The following ANKRD18A variants were observed in gnomAD, a reference collection of about 807,000 sequenced individuals.
ANKRD18A encodes ankyrin repeat domain 18A.
ANKRD18A carries 72 observed loss-of-function variants against 110.6 expected under a neutral mutation model. The ratio of observed to expected loss-of-function variants is 0.65; its 90% CI spans 0.54 to 0.79. ANKRD18A has a LOEUF of 0.79. ANKRD18A is among the 30% of genes least tolerant of loss of function. The probability of loss-of-function intolerance (pLI) is 0.00; values close to 1 mark genes in which losing one functional copy is unlikely to be tolerated. For missense variants in ANKRD18A, 934 were observed against 1,163.3 expected (o/e 0.80, Z 2.87); for synonymous variants, 305 against 410.3 (o/e 0.74, Z 3.10).
chr9:38,592,084 A>G (rs888266035), intron 10 of ANKRD18A, among the ~76,000 whole-genome samples: 2 of 152,190 alleles, frequency 1.3e-5, no homozygotes, highest in African/African-American at 2.4e-5. Flanking sequence ...TTCTTTTTTC[A>G]TACTGAGAAA....
intron 12 of ANKRD18A, among the ~76,000 whole-genome samples, chr9:38,584,674 A>G (rs2996341): frequency 0.4 from 61,239 of 152,044 alleles, 13,717 homozygotes; most frequent in African/African-American, 0.61. Context: ...TCAACAGCAC[A>G]TCTTTTGTAA....
At chr9:38,588,397 T>C (rs1824478202) in intron 11 of ANKRD18A, among the ~76,000 whole-genome samples, 154 bp downstream of exon 11, 1 of 152,312 alleles carries the variant, frequency 6.6e-6, no homozygotes, top group Non-Finnish European at 1.5e-5. Context: ...TATAAAGTTG[T>C]GTTGTCAGTT....
chr9:38,617,230 A>G (rs967228039), intron 1 of ANKRD18A, among the ~76,000 whole-genome samples: 4 of 152,216 alleles, frequency 2.6e-5, no homozygotes, highest in African/African-American at 4.8e-5. Context: ...TCTCTAGGTC[A>G]GGAGTTCAGG....
At chr9:38,575,731 T>C in intron 14 of ANKRD18A, 33 bp from the exon 15 acceptor site, 1 of 1,512,844 alleles carries the variant, frequency 6.6e-7, no homozygotes, top group Non-Finnish European at 8.9e-7. Context: ...TGCTTAGTAT[T>C]TCATTTTTCC....
rs146586787 is a variant in ANKRD18A, at chr9:38,594,361, T to A, written c.1855-452A>T. On this transcript the variant is annotated intron_variant, in intron 9 of 15. Coordinates refer to ENST00000399703, the MANE Select transcript of ANKRD18A (RefSeq NM_147195.4). ...TGAACTCTGCCACCCCTCATTAGTC[T>A]GAAAATGGGGATTCAATGTCAAACT... 6.7e-3 allele frequency among the ~76,000 whole-genome samples: 1,027 copies of A among 152,276 alleles called. 13 individuals carry two copies. Among genetic ancestry groups the A allele is most frequent in the African/African-American group, 0.023 (966 of 41,554 alleles).
At position 38,595,790 on chromosome 9, in the gene ANKRD18A, C is replaced by T. The variant is rs372299506; in HGVS notation, c.1550G>A (p.Arg517Gln). The T allele has an allele frequency of 1.9e-5, 30 of 1,551,000 alleles. No individual in the cohort carries two copies. The African/African-American group carries it at 3.4e-4, about 18-fold the overall frequency. The stretch of plus-strand genomic sequence containing the variant: ...ATGCATCTGCTTCATTTCCTTTATT[C>T]GATGCTGTGCTTGCCTTAGGTCCAG... ...VQLDLRQAQH[R>Q]IKEMKQMHPN... The change falls in exon 9 of 16, where the codon CGA becomes CAA. Residue 517 changes from arginine (R) to glutamine (Q), a missense_variant. This residue lies in a region of ANKRD18A where 630 missense variants were observed against 797.5 expected (regional missense o/e 0.79). Transcript: ENST00000399703.
chr9:38,593,343 A>G (rs913726680), intron 10 of ANKRD18A, among the ~76,000 whole-genome samples: 3 of 152,226 alleles, frequency 2.0e-5, no homozygotes, highest in African/African-American at 7.2e-5. Flanking sequence ...AATCCATGAA[A>G]TGAATACGCA....
In ANKRD18A at chr9:38,583,922, C is replaced by T. The variant is rs539645359; in HGVS notation, c.2247+2261G>A. On this transcript the variant is annotated intron_variant, in intron 12 of 15. Coordinates refer to ENST00000399703, the MANE Select transcript of ANKRD18A (RefSeq NM_147195.4). ...AAGTGTCTACACCAGATAAAACGTC[C>T]GGTGCAGATAAGGGAACCTGCACAG... 1.4e-4 allele frequency among the ~76,000 whole-genome samples: 22 copies of T among 152,326 alleles called. No homozygotes were observed. The East Asian group carries it at 1.7e-3, about 12-fold the overall frequency.
Position 38,603,225 on chromosome 9 carries a change from C to A in ANKRD18A, c.809-13G>T, listed in dbSNP as rs1425817899. On this transcript the variant is annotated splice_polypyrimidine_tract_variant and intron_variant, in intron 6 of 15. Transcript: ENST00000399703. Reference sequence around the variant, plus strand: ...ATAGCTGCTGTTTCTGTCAAACATGCAAACTTGTTAGATATTCCTTCTGGA... The same window carrying A: ...ATAGCTGCTGTTTCTGTCAAACATGAAAACTTGTTAGATATTCCTTCTGGA... 3.9e-6 allele frequency: 6 copies of A among 1,550,688 alleles called. No individual in the cohort carries two copies. The highest frequency in any genetic ancestry group is 2.0e-5 in the Admixed American group (1 of 50,930).
chr9:38,615,911 A>G lies in ANKRD18A; in HGVS notation c.321+19T>C, dbSNP rs1314521364. ...TAAATCAAATCCATTTCATGCTGAA[A>G]GAGTTGGCTACTATATACCTTCATT... On this transcript the variant is annotated intron_variant, in intron 2 of 15. Coordinates refer to ENST00000399703, the MANE Select transcript of ANKRD18A (RefSeq NM_147195.4). The G allele has an allele frequency of 6.5e-7, 1 of 1,539,188 alleles. No individual in the cohort carries two copies.
At chr9:38,593,722 T>C in intron 10 of ANKRD18A, 38 bp downstream of exon 10, 1 of 1,458,976 alleles carries the variant, frequency 6.9e-7, no homozygotes, top group Non-Finnish European at 9.1e-7. Flanking sequence ...TTCAACCAGC[T>C]ACAGATTAAC....
chr9:38,581,455 A>C (rs901715897), intron 12 of ANKRD18A, among the ~76,000 whole-genome samples: 1 of 152,234 alleles, frequency 6.6e-6, no homozygotes, highest in African/African-American at 2.4e-5. Context: ...ACTTGGTTAC[A>C]TAACCAAAAT....
intron 9 of ANKRD18A, among the ~76,000 whole-genome samples, chr9:38,594,888 C>T (rs921882801): frequency 3.3e-5 from 5 of 152,132 alleles, no homozygotes; most frequent in Non-Finnish European, 1.5e-5. Context: ...TAAAATGCGG[C>T]AACATGAAGA....
intron 12 of ANKRD18A, 53 bp from the exon 13 acceptor site, chr9:38,578,201 A>C: frequency 6.8e-7 from 1 of 1,472,952 alleles, no homozygotes; most frequent in African/African-American, 1.4e-5. Flanking sequence ...AGAATAATCC[A>C]ATACAAAACC....
chr9:38,570,623 A>G (rs1823603643), downstream of ANKRD18A, among the ~76,000 whole-genome samples: 1 of 152,216 alleles, frequency 6.6e-6, no homozygotes, highest in Non-Finnish European at 1.5e-5. Flanking sequence ...TGGCTAGGTC[A>G]TCTCTGACCA....
chr9:38,608,562 TAAC>T (rs1207519226), intron 5 of ANKRD18A, among the ~76,000 whole-genome samples: 1 of 147,266 alleles, frequency 6.8e-6, no homozygotes, highest in Non-Finnish European at 1.5e-5. Flanking sequence ...ATATAATCTA[TAAC>T]TATATAATAA....
chr9:38,619,939 G>A (rs2118921284), intron 1 of ANKRD18A, 141 bp downstream of exon 1: 5 of 1,087,356 alleles, frequency 4.6e-6, no homozygotes, highest in South Asian at 3.3e-5. Flanking sequence ...TGCCAGCGAC[G>A]GAAAGCAGCT....
At chr9:38,580,750 T>C (rs1292117102) in intron 12 of ANKRD18A, among the ~76,000 whole-genome samples, 2 of 150,764 alleles carry the variant, frequency 1.3e-5, no homozygotes, top group African/African-American at 4.9e-5. Flanking sequence ...AGAATCTATA[T>C]TCATCCCATT....
chr9:38,572,376 C>T (rs1173248169), intron 15 of ANKRD18A: 2 of 205,738 alleles, frequency 9.7e-6, no homozygotes, highest in South Asian at 9.3e-5. Flanking sequence ...ACCTAAAAGA[C>T]CGGCAGGTAA....
Sources: allele counts gnomAD v4.1 joint callset (sites outside exome capture counted in the v4.1 genomes callset), GRCh38; gene constraint gnomAD v4.1.1; regional missense constraint gnomAD v4.1.1; transcripts MANE v1.5; gene names NCBI Gene and HGNC (gene_info 2026-07-23, HGNC 2026-07-21).